SACM1L: variants seen among roughly 807,000 people sequenced by gnomAD.
SACM1L encodes the protein phosphatidylinositol-3-phosphatase SAC1.
Under a neutral mutation model 89.5 loss-of-function variants are expected in SACM1L, and 32 were observed. The ratio of observed to expected loss-of-function variants is 0.36; its 90% confidence interval spans 0.27 to 0.48. The LOEUF is 0.48. Among genes scored for constraint, SACM1L ranks in the 20% least tolerant of loss-of-function variants. SACM1L has a pLI of 0.99. For synonymous variants in SACM1L, 213 were observed against 232.8 expected (o/e 0.92, Z 0.77); for missense variants, 543 against 708.5 (o/e 0.77, Z 2.65).
intron 7 of SACM1L, among the ~76,000 whole-genome samples, chr3:45,716,927 A>T (rs1456171694): frequency 2.6e-5 from 4 of 151,300 alleles, no homozygotes; most frequent in Non-Finnish European, 5.9e-5. Context: ...TTGTCTTGTA[A>T]TCAGAGGAAC....
intron 5 of SACM1L, among the ~76,000 whole-genome samples, chr3:45,710,458 G>T (rs1698500011): frequency 6.7e-6 from 1 of 148,820 alleles, no homozygotes; most frequent in African/African-American, 2.5e-5. Flanking sequence ...CTCCCAAAGT[G>T]CTGGGATTAC....
chr3:45,727,390 AT>A (rs1219097992), intron 11 of SACM1L, among the ~76,000 whole-genome samples: 2 of 152,112 alleles, frequency 1.3e-5, no homozygotes, highest in African/African-American at 4.8e-5. Context: ...TGTGATTTGA[AT>A]TTTTAAAAAT....
At chr3:45,700,407 C>T (rs1698238758) in intron 1 of SACM1L, among the ~76,000 whole-genome samples, 1 of 152,156 alleles carries the variant, frequency 6.6e-6, no homozygotes, top group Non-Finnish European at 1.5e-5. Context: ...ACTGTGTCAC[C>T]TTCCTGAGAC....
intron 1 of SACM1L, among the ~76,000 whole-genome samples, chr3:45,698,441 T>C (rs963592825): frequency 1.3e-5 from 2 of 152,226 alleles, no homozygotes; most frequent in Non-Finnish European, 2.9e-5. Flanking sequence ...ATCAGCAATT[T>C]AGATTCCAAC....
intron 3 of SACM1L, among the ~76,000 whole-genome samples, chr3:45,705,657 C>G (rs1559539121): frequency 6.6e-6 from 1 of 151,986 alleles, no homozygotes; most frequent in Non-Finnish European, 1.5e-5. Context: ...TGCCTGCCAC[C>G]ACACTCGGCT....
rs1269045602 is a variant in SACM1L at position 45,719,482 on chromosome 3, T to G, written c.578-18T>G. ...TATGATTTCTATTATATGTTATATT[T>G]TTCTTAATGTGGTTAAGTTATTACC... is the stretch of plus-strand genomic sequence containing the variant. On this transcript the variant is annotated intron_variant, in intron 7 of 19. Coordinates refer to ENST00000389061, the MANE Select transcript of SACM1L (RefSeq NM_014016.5). 1 of 1,358,824 alleles carries G rather than the reference T, an allele frequency of 7.4e-7. No individual in the cohort carries two copies. The highest frequency in any genetic ancestry group is 2.3e-5 in the East Asian group (1 of 43,566). 84.2% of individuals were successfully genotyped at this position (1,358,824 alleles called of 1,614,324 possible).
chr3:45,723,893 A>G (rs1559546648), intron 11 of SACM1L, among the ~76,000 whole-genome samples: 3 of 151,862 alleles, frequency 2.0e-5, no homozygotes, highest in South Asian at 4.2e-4. Flanking sequence ...CATGTATAGA[A>G]TTTCATTCTT....
intron 1 of SACM1L, among the ~76,000 whole-genome samples, chr3:45,700,739 C>G (rs994417341): frequency 6.6e-6 from 1 of 152,190 alleles, no homozygotes; most frequent in African/African-American, 2.4e-5. Context: ...TCACTGCACT[C>G]TGAACTCACT....
At chr3:45,726,134 A>C (rs919227502) in intron 11 of SACM1L, among the ~76,000 whole-genome samples, 5 of 152,148 alleles carry the variant, frequency 3.3e-5, no homozygotes, top group Non-Finnish European at 5.9e-5. Flanking sequence ...ATTAATATTC[A>C]TAAAGGATAT....
At chr3:45,694,375 C>T (rs1199087576) in intron 1 of SACM1L, among the ~76,000 whole-genome samples, 1 of 152,104 alleles carries the variant, frequency 6.6e-6, no homozygotes, top group East Asian at 1.9e-4. Flanking sequence ...GTAACCTAAG[C>T]TACCTTGTGA....
rs1400965144 is a variant in SACM1L, at chr3:45,737,854, G to A, written c.1382+10G>A. 3.1e-6 allele frequency: 5 copies of A among 1,611,386 alleles called. No individual in the cohort carries two copies. The South Asian group carries it at 4.4e-5, about 14-fold the overall frequency. ...AGACTGACTTTACCAGGCAAGCCAT[G>A]CTTTTAAAATAGCATTCCACATCAG... is the stretch of plus-strand genomic sequence containing the variant. On this transcript the variant is annotated intron_variant, in intron 16 of 19. Transcript: ENST00000389061.
At chr3:45,738,978 T>TG in intron 18 of SACM1L, 105 bp downstream of exon 18, 4 of 687,372 alleles carry the variant, frequency 5.8e-6, no homozygotes, top group Non-Finnish European at 7.5e-6. Flanking sequence ...TTATATTTCA[T>TG]TACATGAAAT....
At chr3:45,719,696 T>C in intron 8 of SACM1L, 95 bp downstream of exon 8, 1 of 679,296 alleles carries the variant, frequency 1.5e-6, no homozygotes, top group Non-Finnish European at 2.5e-6. Flanking sequence ...GTTTTCATTA[T>C]CATTTGATAG....
At chr3:45,718,975 A>C (rs1033353541) in intron 7 of SACM1L, among the ~76,000 whole-genome samples, 2 of 152,162 alleles carry the variant, frequency 1.3e-5, no homozygotes, top group African/African-American at 4.8e-5. Flanking sequence ...GGTAGAGTCA[A>C]AATTTCCATT....
chr3:45,728,213 A>G (rs1223281876), intron 11 of SACM1L, among the ~76,000 whole-genome samples: 1 of 152,162 alleles, frequency 6.6e-6, no homozygotes, highest in Admixed American at 6.5e-5. Context: ...GACAGCATGT[A>G]GTTAGATCAT....
intron 1 of SACM1L, among the ~76,000 whole-genome samples, chr3:45,701,235 G>A (rs1024051430): frequency 6.6e-6 from 1 of 151,790 alleles, no homozygotes; most frequent in East Asian, 1.9e-4. Flanking sequence ...TCTTCAAATT[G>A]TAGTAATAGA....
intron 7 of SACM1L, among the ~76,000 whole-genome samples, chr3:45,718,156 A>G (rs561871386): frequency 6.6e-6 from 1 of 152,358 alleles, no homozygotes; most frequent in African/African-American, 2.4e-5. Flanking sequence ...GTCCATGGAC[A>G]GTAGAATGGA....
rs1012154539 is a variant in SACM1L at position 45,745,017 on chromosome 3, C to T, written c.*1348C>T. The T allele has an allele frequency of 3.3e-5, 5 of 151,768 alleles. No individual in the cohort carries two copies. Among genetic ancestry groups the T allele is most frequent in the African/African-American group, 9.7e-5 (4 of 41,284 alleles). 9.4% of individuals were successfully genotyped at this position (151,768 alleles called of 1,614,324 possible). A position where few individuals can be genotyped will look rare whatever the true frequency, so the allele number is the denominator to read the frequency against. ...TCTTTTATAAAACATTAATATAAGT[C>T]GTTACTTTTAGAAACTAAAGGAAAT... On this transcript the variant is annotated 3_prime_UTR_variant, in exon 20 of 20. Coordinates refer to ENST00000389061, the MANE Select transcript of SACM1L (RefSeq NM_014016.5).
chr3:45,741,616 CTG>C (rs1436565656), intron 19 of SACM1L, among the ~76,000 whole-genome samples: 2 of 152,180 alleles, frequency 1.3e-5, no homozygotes, highest in Non-Finnish European at 2.9e-5. Context: ...CTGTTCATCT[CTG>C]TATTCCCCTC....
Sources: gnomAD v4.1 joint callset for allele counts (sites outside exome capture counted in the v4.1 genomes callset) on GRCh38, gnomAD v4.1.1 for gene constraint, MANE v1.5 for transcripts, NCBI Gene and HGNC (gene_info 2026-07-23, HGNC 2026-07-21) for gene names.